The following CFAP61 variants were observed in gnomAD, a reference collection of about 807,000 sequenced individuals.
CFAP61 encodes cilia and flagella associated protein 61.
In CFAP61, 107 loss-of-function variants were observed where a neutral mutation model predicts 135.6. That is an observed-to-expected ratio of 0.79 (90% CI 0.67 to 0.93). The LOEUF (loss-of-function observed/expected upper bound fraction) is 0.93. Among genes scored for constraint, CFAP61 ranks in the 40% least tolerant of loss-of-function variants. The probability of loss-of-function intolerance (pLI) is 0.00; values close to 1 mark genes in which losing one functional copy is unlikely to be tolerated. For missense variants in CFAP61, 1,507 were observed against 1,556.2 expected (o/e 0.97, Z 0.53); for synonymous variants, 575 against 578.5 (o/e 0.99, Z 0.09).
chr20:20,052,655 T>TC, intron 1 of CFAP61, 64 bp downstream of exon 1: 1 of 1,613,378 alleles, frequency 6.2e-7, no homozygotes, highest in Non-Finnish European at 8.5e-7. Context: ...CCAGGGCGCA[T>TC]CCCCAGGTCA....
intron 17 of CFAP61, among the ~76,000 whole-genome samples, chr20:20,215,798 TAGA>T (rs1212389122): frequency 1.3e-5 from 2 of 152,004 alleles, no homozygotes; most frequent in Non-Finnish European, 2.9e-5. Context: ...GAAATTATTA[TAGA>T]AGACCTATTT....
chr20:20,079,961 A>G (rs536532254), intron 6 of CFAP61, among the ~76,000 whole-genome samples: 76 of 152,180 alleles, frequency 5.0e-4, no homozygotes, highest in Non-Finnish European at 9.4e-4. Context: ...TATATTTTTT[A>G]AAGAAATATT....
Position 20,277,457 on chromosome 20 carries a change from C to T in CFAP61, c.2795C>T (p.Ser932Phe). The T allele has an allele frequency of 6.2e-7, 1 of 1,601,490 alleles. No homozygotes were observed. The highest frequency in any genetic ancestry group is 8.5e-7 in the Non-Finnish European group (1 of 1,171,276). Residue 932 changes from serine to phenylalanine, a missense_variant and splice_region_variant, in exon 22 of 27, where the codon TCT becomes TTT. Coordinates refer to ENST00000245957, the MANE Select transcript of CFAP61 (RefSeq NM_015585.4). ...ACCAAGCCTTTCAGACTCCAGTGCT[C>T]TGTAAGTGGGTCCCTGCAAACCTCA... ...TPTKPFRLQC[S>F]MFFSFCEKNV...
At chr20:20,296,488 C>T (rs1010041526) in intron 24 of CFAP61, among the ~76,000 whole-genome samples, 1 of 149,168 alleles carries the variant, frequency 6.7e-6, no homozygotes, top group African/African-American at 2.5e-5. Context: ...TTCCTCCCTC[C>T]CTCCTTCCTT....
chr20:20,216,237 G>A (rs570804297), intron 17 of CFAP61, among the ~76,000 whole-genome samples: 68 of 152,290 alleles, frequency 4.5e-4, no homozygotes, highest in African/African-American at 1.5e-3. Context: ...TCATTAACAC[G>A]AACACTGGGA....
At chr20:20,276,570 C>G (rs1190910911) in intron 21 of CFAP61, among the ~76,000 whole-genome samples, 2 of 152,114 alleles carry the variant, frequency 1.3e-5, no homozygotes, top group African/African-American at 4.8e-5. Flanking sequence ...TTTATTTTTG[C>G]TAACAAAAAT....
chr20:20,109,823 T>C (rs1314581154), intron 8 of CFAP61, among the ~76,000 whole-genome samples: 1 of 152,186 alleles, frequency 6.6e-6, no homozygotes, highest in Non-Finnish European at 1.5e-5. Context: ...TATTAATATC[T>C]GCTTTCATTT....
At chr20:20,355,587 CTG>C (rs1338006179) in intron 26 of CFAP61, among the ~76,000 whole-genome samples, 3 of 136,468 alleles carry the variant, frequency 2.2e-5, no homozygotes, top group African/African-American at 5.8e-5. Flanking sequence ...GGGGGTCACA[CTG>C]TGAGGGGGAA....
intron 8 of CFAP61, among the ~76,000 whole-genome samples, chr20:20,116,232 T>C (rs2049131692): frequency 1.3e-5 from 2 of 152,218 alleles, no homozygotes; most frequent in Admixed American, 6.5e-5. Context: ...TCCATTCATA[T>C]GTCTTCTTTT....
chr20:20,315,778 C>A (rs1181887820), intron 25 of CFAP61, among the ~76,000 whole-genome samples: 1 of 152,178 alleles, frequency 6.6e-6, no homozygotes, highest in African/African-American at 2.4e-5. Flanking sequence ...TTCCCAGCAC[C>A]ATTTATTAAA....
At chr20:20,244,830 C>G (rs1158263789) in intron 18 of CFAP61, among the ~76,000 whole-genome samples, 1 of 152,228 alleles carries the variant, frequency 6.6e-6, no homozygotes, top group East Asian at 1.9e-4. Flanking sequence ...ATGCCTTTAA[C>G]AGCACACACA....
chr20:20,334,346 C>G (rs1479905547), intron 25 of CFAP61, among the ~76,000 whole-genome samples: 1 of 152,144 alleles, frequency 6.6e-6, no homozygotes, highest in Non-Finnish European at 1.5e-5. Flanking sequence ...AGGCTGGTCT[C>G]GAACTCCTGA....
rs376553271 is a variant in CFAP61 at position 20,187,891 on chromosome 20, A to C, written c.1386-39A>C. The C allele has an allele frequency of 2.6e-6, 4 of 1,533,188 alleles. No homozygotes were observed. In the African/African-American group the frequency reaches 5.5e-5, roughly 21 times the overall value. The allele number at this position is 1,533,188 out of a possible 1,614,324, so 95.0% of individuals were successfully genotyped here. A position where few individuals can be genotyped will look rare whatever the true frequency, so the allele number is the denominator to read the frequency against. On this transcript the variant is annotated intron_variant, in intron 13 of 26. Transcript: ENST00000245957. ...CTCCATTTGGGGGGAATACATATTTAGTACTTTAACTTAAAAATATATTCC... is the reference window on the plus strand; with the variant it reads ...CTCCATTTGGGGGGAATACATATTTCGTACTTTAACTTAAAAATATATTCC...
intron 25 of CFAP61, among the ~76,000 whole-genome samples, chr20:20,305,125 C>T (rs888535314): frequency 4.0e-5 from 6 of 149,254 alleles, no homozygotes; most frequent in Non-Finnish European, 9.0e-5. Context: ...CCACCACCGC[C>T]TCCACACTTC....
At chr20:20,242,203 G>A in intron 18 of CFAP61, among the ~76,000 whole-genome samples, 1 of 152,206 alleles carries the variant, frequency 6.6e-6, no homozygotes, top group East Asian at 1.9e-4. Context: ...AGGAGGGCAG[G>A]TGTTTCTCTC....
chr20:20,280,261 A>C (rs2054099682), intron 22 of CFAP61, among the ~76,000 whole-genome samples: 1 of 152,192 alleles, frequency 6.6e-6, no homozygotes, highest in Non-Finnish European at 1.5e-5. Flanking sequence ...GTGTGATGGC[A>C]GCTGCAAGTC....
At chr20:20,355,287 G>T (rs1333911157) in intron 26 of CFAP61, among the ~76,000 whole-genome samples, 2 of 134,460 alleles carry the variant, frequency 1.5e-5, no homozygotes, top group Admixed American at 7.5e-5. Flanking sequence ...TGGTCACACT[G>T]TGAGGGGAGG....
At chr20:20,165,236 C>T (rs2053731323) in intron 11 of CFAP61, among the ~76,000 whole-genome samples, 1 of 152,204 alleles carries the variant, frequency 6.6e-6, no homozygotes, top group Non-Finnish European at 1.5e-5. Context: ...CCAGCTTTTT[C>T]CAGCCAAAGT....
In CFAP61 at chr20:20,147,353, A is replaced by G. The variant is rs143627721; in HGVS notation, c.951+4405A>G. On this transcript the variant is annotated intron_variant, in intron 9 of 26. Coordinates refer to ENST00000245957, the MANE Select transcript of CFAP61 (RefSeq NM_015585.4). ...GTCCATAGTGGTTGTACTAATTTAC[A>G]TTCCCACTGGCAGTGTAAAAGTGTT... Among the ~76,000 whole-genome samples, 16 of 152,230 alleles carry G rather than the reference A, an allele frequency of 1.1e-4. 1 individual carries two copies. Among genetic ancestry groups the G allele is most frequent in the Admixed American group, 6.5e-4 (10 of 15,284 alleles).
Sources: gnomAD v4.1 joint callset for allele counts (sites outside exome capture counted in the v4.1 genomes callset) on GRCh38, gnomAD v4.1.1 for gene constraint, MANE v1.5 for transcripts, NCBI Gene and HGNC (gene_info 2026-07-23, HGNC 2026-07-21) for gene names.